TRIP4: variants seen among roughly 807,000 people sequenced by gnomAD.
TRIP4 encodes activating signal cointegrator 1.
TRIP4 carries 54 observed loss-of-function variants against 81.8 expected under a neutral mutation model. The observed-to-expected ratio is 0.66, with a 90% CI of 0.53 to 0.83. The LOEUF (loss-of-function observed/expected upper bound fraction) is 0.83. Among genes scored for constraint, TRIP4 ranks in the 40% least tolerant of loss-of-function variants. The pLI is 0.00. For missense variants in TRIP4, 662 were observed against 683.6 expected, an observed-to-expected ratio of 0.97 and a Z score of 0.35; for synonymous variants, 270 against 242.8, an observed-to-expected ratio of 1.11 and a Z score of -1.04.
intron 11 of TRIP4, among the ~76,000 whole-genome samples, chr15:64,427,343 T>C (rs1892171936): frequency 6.6e-6 from 1 of 152,218 alleles, no homozygotes; most frequent in Non-Finnish European, 1.5e-5. Flanking sequence ...ACTGTTTTCC[T>C]TTACTGTTCC....
rs77111233 is a variant in TRIP4, at chr15:64,445,115, C to G, written c.1678+7C>G. On this transcript the variant is annotated splice_region_variant and intron_variant, in intron 12 of 12. Transcript: ENST00000261884. ...AAAGGAAATCCAAAAATCTGTAAGT[C>G]ATGATTTTTTTTCTTTAAGACTAGT... The G allele has an allele frequency of 2.4e-5, 37 of 1,543,242 alleles. No homozygotes were observed. In the East Asian group the frequency reaches 8.1e-4, roughly 34 times the overall value.
At chr15:64,395,797 G>A (rs573830617) in intron 3 of TRIP4, among the ~76,000 whole-genome samples, 1 of 150,360 alleles carries the variant, frequency 6.7e-6, no homozygotes, top group Non-Finnish European at 1.5e-5. Context: ...CTGGAGTGCA[G>A]TGGTGCGATC....
At chr15:64,414,674 G>A (rs1053083769) in intron 8 of TRIP4, among the ~76,000 whole-genome samples, 1 of 151,238 alleles carries the variant, frequency 6.6e-6, no homozygotes, top group Non-Finnish European at 1.5e-5. Context: ...CCGCTACCAC[G>A]CCCAGCGAAT....
At chr15:64,415,998 A>G (rs1026408308) in intron 8 of TRIP4, among the ~76,000 whole-genome samples, 3 of 152,332 alleles carry the variant, frequency 2.0e-5, no homozygotes, top group South Asian at 2.1e-4. Context: ...CAATAGCACC[A>G]TGGAAAGATG....
At chr15:64,422,024 G>A (rs1469684864) in intron 9 of TRIP4, among the ~76,000 whole-genome samples, 1 of 145,236 alleles carries the variant, frequency 6.9e-6, no homozygotes, top group African/African-American at 2.7e-5. Context: ...GTGAGACTCA[G>A]TCTCAAAAAA....
chr15:64,411,776 T>G (rs1891769080), intron 7 of TRIP4, among the ~76,000 whole-genome samples: 1 of 151,706 alleles, frequency 6.6e-6, no homozygotes, highest in Admixed American at 6.6e-5. Flanking sequence ...GCCTCCCAGA[T>G]TCACGCCATT....
chr15:64,434,354 G>C (rs1272588146), intron 11 of TRIP4, among the ~76,000 whole-genome samples: 1 of 148,994 alleles, frequency 6.7e-6, no homozygotes, highest in African/African-American at 2.5e-5. Context: ...AGTCGAGATT[G>C]TGCCATTGCA....
intron 6 of TRIP4, among the ~76,000 whole-genome samples, chr15:64,407,692 T>C (rs752646305): frequency 1.3e-5 from 2 of 151,226 alleles, no homozygotes; most frequent in Non-Finnish European, 2.9e-5. Flanking sequence ...ATAATAGAAA[T>C]AGAATGCACT....
chr15:64,398,760 C>A (rs1900369610), intron 4 of TRIP4, among the ~76,000 whole-genome samples: 1 of 152,012 alleles, frequency 6.6e-6, no homozygotes, highest in Non-Finnish European at 1.5e-5. Flanking sequence ...GAGAGAATGA[C>A]CTCAAGAATG....
chr15:64,410,996 C>T (rs930586249), intron 7 of TRIP4, among the ~76,000 whole-genome samples: 2 of 152,160 alleles, frequency 1.3e-5, no homozygotes, highest in Non-Finnish European at 2.9e-5. Flanking sequence ...TTCTTTGGCT[C>T]ATCAAATTTG....
intron 12 of TRIP4, among the ~76,000 whole-genome samples, chr15:64,448,190 C>T (rs930856371): frequency 3.2e-4 from 49 of 152,168 alleles, no homozygotes; most frequent in African/African-American, 1.2e-3. Flanking sequence ...CTTTTCGTAG[C>T]TTCTTCCCCT....
chr15:64,415,107 G>C (rs550051379), intron 8 of TRIP4, among the ~76,000 whole-genome samples: 2 of 151,208 alleles, frequency 1.3e-5, no homozygotes, highest in East Asian at 3.9e-4. Flanking sequence ...AAAAAAAAAA[G>C]CAAATATTTT....
chr15:64,395,744 T>C (rs1227639262), intron 3 of TRIP4, among the ~76,000 whole-genome samples: 2 of 151,754 alleles, frequency 1.3e-5, no homozygotes, highest in Admixed American at 1.3e-4. Context: ...CTTTGCTTTT[T>C]TTTTTTTTTT....
chr15:64,449,590 A>AT (rs1892708183), intron 12 of TRIP4, among the ~76,000 whole-genome samples: 5 of 151,636 alleles, frequency 3.3e-5, no homozygotes, highest in Admixed American at 3.3e-4. Flanking sequence ...ATATATAAAA[A>AT]ATATATGGAT....
intron 3 of TRIP4, 88 bp from the exon 4 acceptor site, chr15:64,397,518 G>T: frequency 7.8e-7 from 1 of 1,289,180 alleles, no homozygotes; most frequent in African/African-American, 1.5e-5. Context: ...TATATAAGTT[G>T]TTACTGAACA....
chr15:64,429,733 A>G (rs773950749), intron 11 of TRIP4, among the ~76,000 whole-genome samples: 2 of 152,152 alleles, frequency 1.3e-5, no homozygotes, highest in Non-Finnish European at 2.9e-5. Flanking sequence ...TCATAGGTCA[A>G]CTCACTGAGA....
intron 9 of TRIP4, among the ~76,000 whole-genome samples, chr15:64,421,406 G>A (rs556219915): frequency 2.0e-5 from 3 of 149,630 alleles, no homozygotes; most frequent in East Asian, 2.0e-4. Context: ...GCATGATCTC[G>A]GCTTGCTGCA....
intron 8 of TRIP4, among the ~76,000 whole-genome samples, chr15:64,415,536 G>A (rs1408938313): frequency 6.6e-6 from 1 of 152,158 alleles, no homozygotes; most frequent in African/African-American, 2.4e-5. Flanking sequence ...GTGGCTCTAG[G>A]TGTCTTTTGC....
intron 11 of TRIP4, among the ~76,000 whole-genome samples, chr15:64,433,969 C>A (rs1596356803): frequency 6.6e-6 from 1 of 151,790 alleles, no homozygotes; most frequent in Non-Finnish European, 1.5e-5. Flanking sequence ...ATGTGTGGCC[C>A]AGGACAATTC....
Sources: allele counts gnomAD v4.1 joint callset (sites outside exome capture counted in the v4.1 genomes callset), GRCh38; gene constraint gnomAD v4.1.1; transcripts MANE v1.5; gene names NCBI Gene and HGNC (gene_info 2026-07-23, HGNC 2026-07-21).